Variants in ZNF804B observed in about 807,000 individuals in gnomAD.
ZNF804B encodes the protein zinc finger 804B.
ZNF804B carries 80 observed loss-of-function variants against 101.4 expected under a neutral mutation model. That is an observed-to-expected ratio of 0.79 (90% CI 0.66 to 0.95). ZNF804B has a LOEUF of 0.95. Among genes scored for constraint, ZNF804B ranks in the 40% least tolerant of loss-of-function variants. The pLI, the probability that ZNF804B is intolerant of heterozygous loss-of-function variation, is 0.00. For missense variants in ZNF804B, 1,673 were observed against 1,561.9 expected (o/e 1.07, Z -1.20); for synonymous variants, 622 against 558.8 (o/e 1.11, Z -1.59).
intron 1 of ZNF804B, among the ~76,000 whole-genome samples, chr7:89,149,986 A>G (rs1299319870): frequency 6.6e-6 from 1 of 152,026 alleles, no homozygotes; most frequent in Non-Finnish European, 1.5e-5. Flanking sequence ...GTCTACCCCC[A>G]CTATCCATGG....
chr7:88,878,997 C>G (rs535270216), intron 1 of ZNF804B, among the ~76,000 whole-genome samples: 1 of 152,272 alleles, frequency 6.6e-6, no homozygotes, highest in South Asian at 2.1e-4. Flanking sequence ...ACAGACCACT[C>G]TGCCAGGCAA....
intron 1 of ZNF804B, among the ~76,000 whole-genome samples, chr7:88,995,723 C>T (rs1200231073): frequency 2.0e-5 from 3 of 151,960 alleles, no homozygotes; most frequent in Non-Finnish European, 4.4e-5. Context: ...AGTAACTTCA[C>T]AGTAGAGAAA....
chr7:89,296,025 A>G (rs564802355), intron 2 of ZNF804B, among the ~76,000 whole-genome samples: 36 of 152,206 alleles, frequency 2.4e-4, no homozygotes, highest in African/African-American at 8.7e-4. Flanking sequence ...GGGAACGGAT[A>G]AAAAACTACA....
intron 1 of ZNF804B, among the ~76,000 whole-genome samples, chr7:89,213,275 T>A (rs1413604171): frequency 1.3e-5 from 2 of 152,172 alleles, no homozygotes; most frequent in Non-Finnish European, 2.9e-5. Flanking sequence ...GAAAATTCAC[T>A]CTCTTTGAAG....
chr7:88,932,344 G>C (rs892376580), intron 1 of ZNF804B, among the ~76,000 whole-genome samples: 2 of 151,672 alleles, frequency 1.3e-5, no homozygotes, highest in African/African-American at 4.8e-5. Flanking sequence ...TAAGGAACCA[G>C]AGAAACAGAA....
At chr7:89,192,663 A>G (rs1788474658) in intron 1 of ZNF804B, among the ~76,000 whole-genome samples, 3 of 151,980 alleles carry the variant, frequency 2.0e-5, no homozygotes, top group Admixed American at 2.0e-4. Flanking sequence ...TGAGGCCATC[A>G]TCATTCTGAC....
intron 1 of ZNF804B, among the ~76,000 whole-genome samples, chr7:88,854,537 T>TTCCTTTCCTTTCCTTTCCTTCCCTTC (rs774304273): frequency 1.1e-5 from 1 of 95,142 alleles, no homozygotes; most frequent in African/African-American, 4.6e-5. Flanking sequence ...TTTCCTTCCT[T>TTCCTTTCCTTTCCTTTCCTTCCCTTC]CCTTCCTTCC....
chr7:89,234,682 C>G (rs889086968), intron 2 of ZNF804B, among the ~76,000 whole-genome samples: 1 of 152,160 alleles, frequency 6.6e-6, no homozygotes, highest in Non-Finnish European at 1.5e-5. Flanking sequence ...TCCCATTTCT[C>G]TCTCCCCATT....
At chr7:89,279,911 A>T (rs1188521430) in intron 2 of ZNF804B, among the ~76,000 whole-genome samples, 2 of 152,122 alleles carry the variant, frequency 1.3e-5, no homozygotes, top group Non-Finnish European at 2.9e-5. Context: ...AGCAGACCTA[A>T]TAGACATCTA....
chr7:88,953,719 A>G (rs1793258896), intron 1 of ZNF804B, among the ~76,000 whole-genome samples: 2 of 151,738 alleles, frequency 1.3e-5, no homozygotes, highest in South Asian at 4.1e-4. Context: ...TCTTCTTTAT[A>G]CTCACTCAAG....
At chr7:89,003,874 A>G (rs1004133042) in intron 1 of ZNF804B, among the ~76,000 whole-genome samples, 3 of 151,940 alleles carry the variant, frequency 2.0e-5, no homozygotes, top group African/African-American at 7.2e-5. Context: ...TTATTATGTC[A>G]ATTATGTTTA....
intron 1 of ZNF804B, among the ~76,000 whole-genome samples, chr7:88,792,846 CA>C (rs1469665180): frequency 6.6e-6 from 1 of 151,916 alleles, no homozygotes; most frequent in Admixed American, 6.6e-5. Context: ...TGAAGTATTA[CA>C]AAATTTGGAA....
intron 1 of ZNF804B, among the ~76,000 whole-genome samples, chr7:88,799,415 A>C (rs1414723277): frequency 6.6e-6 from 1 of 152,074 alleles, no homozygotes; most frequent in Non-Finnish European, 1.5e-5. Context: ...TTCTCTCAGC[A>C]GCCTCCATAT....
intron 1 of ZNF804B, among the ~76,000 whole-genome samples, chr7:88,984,178 C>T (rs1319258375): frequency 2.0e-5 from 3 of 152,106 alleles, no homozygotes; most frequent in East Asian, 1.9e-4. Context: ...TGTGGATGCT[C>T]GATCTTGTGA....
chr7:89,235,994 A>G (rs918925978), intron 2 of ZNF804B, among the ~76,000 whole-genome samples: 23 of 152,142 alleles, frequency 1.5e-4, no homozygotes, highest in Admixed American at 1.5e-3. Flanking sequence ...GAAACCATAT[A>G]TCTGTTTTCA....
In ZNF804B at chr7:88,794,819, G is replaced by C. The variant is rs573275498; in HGVS notation, c.108+34735G>C. 16 of 1,613,740 alleles carry C rather than the reference G, an allele frequency of 9.9e-6. No homozygotes were observed. The East Asian group carries it at 3.6e-4, about 36-fold the overall frequency. ...ATCCTATCAAGAAGGAATTTCTTTA[G>C]GTGTAGTCGTTGTTTCTCTTCTTGA... On this transcript the variant is annotated intron_variant, in intron 1 of 3. Coordinates refer to ENST00000333190, the MANE Select transcript of ZNF804B (RefSeq NM_181646.5).
At chr7:88,795,033 T>C (rs1790457319) in intron 1 of ZNF804B, 4 of 1,081,250 alleles carry the variant, frequency 3.7e-6, no homozygotes, top group African/African-American at 1.9e-5. Flanking sequence ...GATGAACTCG[T>C]GTTTTTATTT....
At position 89,115,896 on chromosome 7, in the gene ZNF804B, G is replaced by GTT. The variant is rs1211357552; in HGVS notation, c.109-102253_109-102252dup. On this transcript the variant is annotated intron_variant, in intron 1 of 3. Transcript: ENST00000333190. ...TAATCACGTATTTAAAGGTCAACAGGTTTTTTTGTTTTTTTTTTTCTTTTT... is the reference window on the plus strand; with the variant it reads ...TAATCACGTATTTAAAGGTCAACAGGTTTTTTTTTGTTTTTTTTTTTCTTTTT... Among the ~76,000 whole-genome samples the GTT allele has an allele frequency of 7.2e-4, 40 of 55,728 alleles. No individual in the cohort carries two copies. The East Asian group carries it at 0.011, about 15-fold the overall frequency. 36.6% of individuals were successfully genotyped at this position (55,728 alleles called of 152,430 possible). A position where few individuals can be genotyped will look rare whatever the true frequency, so the allele number is the denominator to read the frequency against.
intron 1 of ZNF804B, among the ~76,000 whole-genome samples, chr7:88,811,446 C>G (rs1790785275): frequency 6.6e-6 from 1 of 152,104 alleles, no homozygotes; most frequent in Non-Finnish European, 1.5e-5. Context: ...CCATAAATAC[C>G]ATTTGACCTA....
Sources: gnomAD v4.1 joint callset for allele counts (sites outside exome capture counted in the v4.1 genomes callset) on GRCh38, gnomAD v4.1.1 for gene constraint, MANE v1.5 for transcripts, NCBI Gene and HGNC (gene_info 2026-07-23, HGNC 2026-07-21) for gene names.